Variants in KIF13B observed in about 807,000 individuals in gnomAD.
KIF13B encodes kinesin family member 13B.
A neutral mutation model predicts 222.0 loss-of-function variants in KIF13B; 127 were observed. That is an observed-to-expected ratio of 0.57 (90% CI 0.50 to 0.66). The LOEUF (loss-of-function observed/expected upper bound fraction) is 0.66. Ranked by LOEUF, KIF13B falls within the 30% of genes least tolerant of loss-of-function variation. The pLI, the probability that KIF13B is intolerant of heterozygous loss-of-function variation, is 0.00. For missense variants in KIF13B, 2,173 were observed against 2,379.0 expected, an observed-to-expected ratio of 0.91 and a Z score of 1.80; for synonymous variants, 976 against 919.0, an observed-to-expected ratio of 1.06 and a Z score of -1.12.
chr8:29,210,134 T>G (rs1433611936), intron 2 of KIF13B, among the ~76,000 whole-genome samples: 2 of 151,388 alleles, frequency 1.3e-5, no homozygotes, highest in Non-Finnish European at 2.9e-5. Flanking sequence ...CAGACTACCA[T>G]GGATCAGGGA....
At chr8:29,108,078 A>G in intron 35 of KIF13B, 61 bp downstream of exon 35, 2 of 1,399,434 alleles carry the variant, frequency 1.4e-6, no homozygotes, top group Non-Finnish European at 2.0e-6. Flanking sequence ...AGATTTGAGA[A>G]GATGAAAGCT....
chr8:29,261,771 T>C (rs186708706), intron 1 of KIF13B, among the ~76,000 whole-genome samples: 43 of 150,722 alleles, frequency 2.9e-4, no homozygotes, highest in African/African-American at 9.1e-4. Context: ...TAATCGGACC[T>C]AGCAGGAACA....
chr8:29,193,586 G>C (rs1813284284), intron 3 of KIF13B, among the ~76,000 whole-genome samples: 1 of 152,136 alleles, frequency 6.6e-6, no homozygotes, highest in African/African-American at 2.4e-5. Flanking sequence ...CACTTCAAAA[G>C]CCCTATCACA....
intron 1 of KIF13B, among the ~76,000 whole-genome samples, chr8:29,248,410 C>A (rs1199893407): frequency 6.6e-6 from 1 of 152,168 alleles, no homozygotes; most frequent in Non-Finnish European, 1.5e-5. Flanking sequence ...ATACTCGAGA[C>A]TGGGCAATTT....
At chr8:29,105,267 G>A (rs979967475) in intron 35 of KIF13B, among the ~76,000 whole-genome samples, 3 of 152,054 alleles carry the variant, frequency 2.0e-5, no homozygotes, top group Admixed American at 1.3e-4. Context: ...CACCGCGCCC[G>A]GCCTGTACAC....
At chr8:29,115,194 A>G (rs536277183) in intron 31 of KIF13B, among the ~76,000 whole-genome samples, 20 of 152,270 alleles carry the variant, frequency 1.3e-4, no homozygotes, top group African/African-American at 4.3e-4. Context: ...TTTTAAATGA[A>G]AAGATTTTCA....
intron 3 of KIF13B, among the ~76,000 whole-genome samples, chr8:29,193,027 A>G (rs1166974031): frequency 2.0e-5 from 3 of 152,162 alleles, no homozygotes; most frequent in African/African-American, 7.2e-5. Flanking sequence ...CCTGGCAGCA[A>G]CCGAGAGGAC....
Position 29,167,356 on chromosome 8 carries a change from G to C in KIF13B, c.1158+17C>G. ...CTCTTCCTGGACTCACAGGGCGCAC[G>C]CGGTGGTGCCTCCTACCTCTGCTTT... On this transcript the variant is annotated intron_variant, in intron 11 of 39. Coordinates refer to ENST00000524189, the MANE Select transcript of KIF13B (RefSeq NM_015254.4). 6.3e-7 allele frequency: 1 copy of C among 1,597,030 alleles called. No individual in the cohort carries two copies. Among genetic ancestry groups the C allele is most frequent in the Non-Finnish European group, 8.6e-7 (1 of 1,166,846 alleles).
At chr8:29,078,846 C>A (rs576342728) in intron 37 of KIF13B, among the ~76,000 whole-genome samples, 26 of 152,304 alleles carry the variant, frequency 1.7e-4, no homozygotes, top group African/African-American at 5.1e-4. Flanking sequence ...TGCAATCACC[C>A]TGTCTACTGA....
At chr8:29,091,547 C>T (rs1037003567) in intron 37 of KIF13B, among the ~76,000 whole-genome samples, 6 of 152,210 alleles carry the variant, frequency 3.9e-5, no homozygotes, top group Non-Finnish European at 4.4e-5. Flanking sequence ...GGGTTCCCAG[C>T]GCAGGCTGAG....
At chr8:29,082,064 C>G (rs1001343935) in intron 37 of KIF13B, among the ~76,000 whole-genome samples, 1 of 152,168 alleles carries the variant, frequency 6.6e-6, no homozygotes, top group Non-Finnish European at 1.5e-5. Context: ...TTTACTCATT[C>G]GCAAATATGT....
chr8:29,116,446 G>C (rs1809601328), intron 31 of KIF13B, among the ~76,000 whole-genome samples: 1 of 151,930 alleles, frequency 6.6e-6, no homozygotes, highest in South Asian at 2.1e-4. Flanking sequence ...TCCAGCCTGA[G>C]CAACAGAGCA....
rs567831229 is a variant in KIF13B at position 29,107,829 on chromosome 8, GGATTACATACGT to G, written c.4215+298_4215+309del. The stretch of plus-strand genomic sequence containing the variant: ...CCCTCCTTGGCCTCCCAAAGTGCTG[GGATTACATACGT>G]GAGCCACTGCGCCCAGCCTGAAGTT... On this transcript the variant is annotated intron_variant, in intron 35 of 39. Transcript: ENST00000524189. 3.9e-3 allele frequency among the ~76,000 whole-genome samples: 594 copies of G among 152,174 alleles called. 5 individuals carry two copies. Among genetic ancestry groups the G allele is most frequent in the African/African-American group, 0.013 (560 of 41,526 alleles).
In KIF13B at chr8:29,071,710, C is replaced by A; in HGVS notation, c.5128G>T (p.Gly1710Cys). 1 of 1,550,760 alleles carries A rather than the reference C, an allele frequency of 6.4e-7. No homozygotes were observed. The highest frequency in any genetic ancestry group is 8.7e-7 in the Non-Finnish European group (1 of 1,147,042). ...WLREGEFVTV[G>C]AHKTGVVRYV... ...CTCACCACGCCCGTTTTGTGGGCGC[C>A]CACGGTGACGAACTCGCCCTCTCGG... is the stretch of plus-strand genomic sequence containing the variant. The change falls in exon 39 of 40, where the codon GGC (glycine) becomes TGC (cysteine). Residue 1710 changes from glycine to cysteine, a missense_variant. Gly to Cys is a radical substitution (Grantham distance 159, BLOSUM62 -3). This residue lies in a region of KIF13B where 693 missense variants were observed against 656.2 expected (regional missense o/e 1.06). Coordinates refer to ENST00000524189, the MANE Select transcript of KIF13B (RefSeq NM_015254.4). This position sits in a 1 kb window ranked among gnomAD's most constrained non-coding sequence, Gnocchi z 4.9.
At chr8:29,192,196 C>A (rs1813220303) in intron 3 of KIF13B, among the ~76,000 whole-genome samples, 2 of 152,184 alleles carry the variant, frequency 1.3e-5, no homozygotes, top group Non-Finnish European at 2.9e-5. Context: ...TGGCCAAAAA[C>A]TGACTGTAAG....
Position 29,071,936 on chromosome 8 carries a change from G to A in KIF13B, c.4902C>T (p.Arg1634=), listed in dbSNP as rs1204050155. Residue 1634 remains arginine, a synonymous_variant, in exon 39 of 40, where the codon CGC becomes CGT. Transcript: ENST00000524189. This position sits in a 1 kb window ranked among gnomAD's most constrained non-coding sequence, Gnocchi z 4.9. The part of the protein sequence containing the change: ...PQQLVSPGRE[R]PDLEAPAPGS... ...CGGGCGCCGGGGCCTCGAGGTCGGGGCGCTCCCGACCGGGGCTCACGAGCT... is the reference window on the plus strand; with the variant it reads ...CGGGCGCCGGGGCCTCGAGGTCGGGACGCTCCCGACCGGGGCTCACGAGCT... 2.1e-6 allele frequency: 3 copies of A among 1,406,514 alleles called. No homozygotes were observed. Among genetic ancestry groups the A allele is most frequent in the Non-Finnish European group, 2.8e-6 (3 of 1,090,674 alleles). The allele number at this position is 1,406,514 out of a possible 1,614,324, so 87.1% of individuals were successfully genotyped here.
chr8:29,129,250 T>C (rs996484627), intron 24 of KIF13B, among the ~76,000 whole-genome samples: 15 of 152,242 alleles, frequency 9.9e-5, no homozygotes, highest in African/African-American at 3.4e-4. Context: ...CACTAAATCA[T>C]AGAAAATTAT....
chr8:29,216,079 A>T (rs1814465556), intron 2 of KIF13B, among the ~76,000 whole-genome samples: 1 of 152,176 alleles, frequency 6.6e-6, no homozygotes. Context: ...AAGTTGTTAA[A>T]TTATTTTTTA....
chr8:29,148,499 T>C, intron 16 of KIF13B, 78 bp downstream of exon 16: 1 of 1,086,252 alleles, frequency 9.2e-7, no homozygotes, highest in East Asian at 2.8e-5. Flanking sequence ...AGCCTGGAAC[T>C]CCTGGGCTCA....
Sources: gnomAD v4.1 joint callset for allele counts (sites outside exome capture counted in the v4.1 genomes callset) on GRCh38, gnomAD v4.1.1 for gene constraint, gnomAD v4.1.1 regional missense constraint, Gnocchi (gnomAD v3.1) non-coding constraint, MANE v1.5 for transcripts, NCBI Gene and HGNC (gene_info 2026-07-23, HGNC 2026-07-21) for gene names.